The following PCBP3 variants were observed in gnomAD, a reference collection of about 807,000 sequenced individuals.
PCBP3 encodes the protein poly(rC) binding protein 3.
Under a neutral mutation model 52.7 loss-of-function variants are expected in PCBP3, and 25 were observed. The observed-to-expected ratio is 0.47, with a 90% confidence interval of 0.35 to 0.66. The LOEUF is 0.66. Among genes scored for constraint, PCBP3 ranks in the 30% least tolerant of loss-of-function variants. The probability of loss-of-function intolerance (pLI) is 0.01; values close to 1 mark genes in which losing one functional copy is unlikely to be tolerated. For synonymous variants in PCBP3, 162 were observed against 183.0 expected (o/e 0.89, Z 0.93); for missense variants, 391 against 490.3 (o/e 0.80, Z 1.91).
At chr21:45,687,404 A>G (rs1235405135) in intron 2 of PCBP3, among the ~76,000 whole-genome samples, 2 of 152,206 alleles carry the variant, frequency 1.3e-5, no homozygotes, top group African/African-American at 2.4e-5. Flanking sequence ...AAAATCCACT[A>G]TGATAGATAT....
chr21:45,664,603 T>A (rs75421306), intron 1 of PCBP3, among the ~76,000 whole-genome samples: 6 of 144,982 alleles, frequency 4.1e-5, no homozygotes, highest in African/African-American at 1.6e-4. Flanking sequence ...TTATTTTTTT[T>A]AATTTTTTTT....
intron 4 of PCBP3, among the ~76,000 whole-genome samples, chr21:45,770,148 C>G (rs2089743112): frequency 6.6e-6 from 1 of 152,168 alleles, no homozygotes; most frequent in Non-Finnish European, 1.5e-5. Context: ...GAACGGCGCC[C>G]CTGAACTCCG....
At chr21:45,835,592 C>A (rs59852288) in intron 4 of PCBP3, among the ~76,000 whole-genome samples, 3,641 of 152,332 alleles carry the variant, frequency 0.024, 163 homozygotes, top group African/African-American at 0.082. Context: ...GCATTCTGGG[C>A]ACTCACATGG....
At chr21:45,669,213 G>A (rs1294283591) in intron 2 of PCBP3, among the ~76,000 whole-genome samples, 2 of 151,478 alleles carry the variant, frequency 1.3e-5, no homozygotes, top group Non-Finnish European at 2.9e-5. Flanking sequence ...CTGGATTTTG[G>A]CCACTCCACT....
intron 2 of PCBP3, among the ~76,000 whole-genome samples, chr21:45,729,525 G>T (rs2148442006): frequency 6.6e-6 from 1 of 152,178 alleles, no homozygotes; most frequent in African/African-American, 2.4e-5. Context: ...GATGTATGAG[G>T]TTGCCTGTTT....
intron 2 of PCBP3, among the ~76,000 whole-genome samples, chr21:45,719,295 A>G (rs1205113632): frequency 1.3e-5 from 2 of 152,128 alleles, no homozygotes; most frequent in Admixed American, 6.5e-5. Context: ...CAGAACAGCA[A>G]GTGTTCTCAG....
At chr21:45,869,011 A>G (rs2094884946) in intron 5 of PCBP3, among the ~76,000 whole-genome samples, 1 of 152,150 alleles carries the variant, frequency 6.6e-6, no homozygotes, top group African/African-American at 2.4e-5. Context: ...TATTTTATGG[A>G]TTTTACCTGT....
chr21:45,822,009 TATTCCAC>T (rs2147416606), intron 4 of PCBP3, among the ~76,000 whole-genome samples: 1 of 152,334 alleles, frequency 6.6e-6, no homozygotes, highest in African/African-American at 2.4e-5. Context: ...TGAGAAATGA[TATTCCAC>T]ATGCTCATCC....
chr21:45,793,788 C>A (rs1404511155), intron 4 of PCBP3, among the ~76,000 whole-genome samples: 1 of 152,066 alleles, frequency 6.6e-6, no homozygotes, highest in Admixed American at 6.6e-5. Flanking sequence ...TCAAAATACT[C>A]GGGAAAAATG....
Position 45,657,675 on chromosome 21 carries a change from A to G in PCBP3, c.-278-11199A>G, listed in dbSNP as rs932442223. On this transcript the variant is annotated intron_variant, in intron 1 of 17. Coordinates refer to ENST00000681687, the MANE Select transcript of PCBP3 (RefSeq NM_001384156.1). ...TTAGGTTTGGTTTGTCACTTTCTGGAAAAAAAAAAAGGCAGGTAGAATTTT... is the reference window on the plus strand; with the variant it reads ...TTAGGTTTGGTTTGTCACTTTCTGGGAAAAAAAAAAGGCAGGTAGAATTTT... 5.9e-5 allele frequency among the ~76,000 whole-genome samples: 6 copies of G among 101,302 alleles called. No individual in the cohort carries two copies. In the Admixed American group the frequency reaches 6.1e-4, roughly 10 times the overall value. 66.5% of individuals were successfully genotyped at this position (101,302 alleles called of 152,430 possible). A position where few individuals can be genotyped will look rare whatever the true frequency, so the allele number is the denominator to read the frequency against.
At chr21:45,757,885 A>G (rs1569188555) in intron 4 of PCBP3, among the ~76,000 whole-genome samples, 2 of 125,248 alleles carry the variant, frequency 1.6e-5, no homozygotes. Flanking sequence ...TGGTCTATAT[A>G]TATTCTTTTT....
chr21:45,678,321 T>A (rs549381826), intron 2 of PCBP3, among the ~76,000 whole-genome samples: 119 of 145,196 alleles, frequency 8.2e-4, no homozygotes, highest in Middle Eastern at 3.5e-3. Context: ...AAAAAAAAAA[T>A]AATAATAATA....
rs747138152 is a variant in PCBP3 at position 45,909,453 on chromosome 21, C to T, written c.438C>T (p.Gly146=). Residue 146 remains glycine (G), a synonymous_variant, in exon 10 of 18, where the codon GGC becomes GGT. Transcript: ENST00000681687. ...CCAGCCAGTGTGGGTCCCTGATCGG[C>T]AAAGGAGGCTCCAAGATCAAGGAGA... ...VPASQCGSLI[G]KGGSKIKEIR... The T allele has an allele frequency of 1.1e-5, 17 of 1,613,222 alleles. No homozygotes were observed. Among genetic ancestry groups the T allele is most frequent in the African/African-American group, 1.3e-5 (1 of 74,888 alleles).
Position 45,692,317 on chromosome 21 carries a change from CAG to C in PCBP3, c.-200+23367_-200+23368del, listed in dbSNP as rs1333850972. 4.0e-5 allele frequency among the ~76,000 whole-genome samples: 6 copies of C among 151,398 alleles called. No homozygotes were observed. In the East Asian group the frequency reaches 1.2e-3, roughly 29 times the overall value. Reference sequence around the variant, plus strand: ...ATGTAGAAATCAACAAAATTTAAAACAGACAAAAAATTGAGCCAAAAGCTGGT... The same window carrying C: ...ATGTAGAAATCAACAAAATTTAAAACACAAAAAATTGAGCCAAAAGCTGGT... On this transcript the variant is annotated intron_variant, in intron 2 of 17. Coordinates refer to ENST00000681687, the MANE Select transcript of PCBP3 (RefSeq NM_001384156.1).
chr21:45,766,153 C>A (rs986995656), intron 4 of PCBP3, among the ~76,000 whole-genome samples: 2 of 152,230 alleles, frequency 1.3e-5, no homozygotes, highest in African/African-American at 4.8e-5. Flanking sequence ...CGGCATTGAC[C>A]AGCCATCCTT....
chr21:45,845,515 TGTGA>T lies in PCBP3; in HGVS notation c.-125-4442_-125-4439del, dbSNP rs372265287. 2.7e-3 allele frequency among the ~76,000 whole-genome samples: 414 copies of T among 151,582 alleles called. 2 individuals are homozygous for T. Among genetic ancestry groups the T allele is most frequent in the Non-Finnish European group, 3.3e-3 (226 of 67,918 alleles). On this transcript the variant is annotated intron_variant, in intron 4 of 17. Transcript: ENST00000681687. ...GCTTAAGCACCCGCGTGTACACGTT[TGTGA>T]GTGTGTGCCTTTGCTGTGTGTATGC...
intron 4 of PCBP3, among the ~76,000 whole-genome samples, chr21:45,784,403 TCTACCGCTACCGCTACC>T (rs1569217937): frequency 1.3e-4 from 15 of 118,376 alleles, no homozygotes; most frequent in East Asian, 4.8e-4. Flanking sequence ...TACCGCTACC[TCTACCGCTACCGCTACC>T]CCTACCTCCT....
intron 7 of PCBP3, 98 bp from the exon 8 acceptor site, chr21:45,900,493 T>C: frequency 1.1e-6 from 1 of 872,114 alleles, no homozygotes; most frequent in Non-Finnish European, 1.9e-6. Context: ...CTCTGCTGTG[T>C]GGGCGTATGG....
chr21:45,848,121 C>G (rs574010189), intron 4 of PCBP3: 40 of 152,310 alleles, frequency 2.6e-4, no homozygotes, highest in African/African-American at 9.6e-4. Context: ...AACGCACAAA[C>G]AAAGCAAGGA....
Sources: allele counts gnomAD v4.1 joint callset (sites outside exome capture counted in the v4.1 genomes callset), GRCh38; gene constraint gnomAD v4.1.1; transcripts MANE v1.5; gene names NCBI Gene and HGNC (gene_info 2026-07-23, HGNC 2026-07-21).